IPPK: variants seen among roughly 807,000 people sequenced by gnomAD.
IPPK encodes the protein inositol-pentakisphosphate 2-kinase.
Under a neutral mutation model 64.6 loss-of-function variants are expected in IPPK, and 22 were observed. The observed-to-expected ratio is 0.34, with a 90% CI of 0.24 to 0.49. The LOEUF (loss-of-function observed/expected upper bound fraction) is 0.49. Ranked by LOEUF, IPPK falls within the 20% of genes least tolerant of loss-of-function variation. The pLI, the probability that IPPK is intolerant of heterozygous loss-of-function variation, is 0.99. For synonymous variants in IPPK, 262 were observed against 247.2 expected, an observed-to-expected ratio of 1.06 and a Z score of -0.56; for missense variants, 532 against 630.7, an observed-to-expected ratio of 0.84 and a Z score of 1.68.
rs192012541 is a variant in IPPK, at chr9:92,648,068, C to T, written c.495G>A (p.Gln165=). The T allele has an allele frequency of 1.2e-6, 2 of 1,612,262 alleles. No homozygotes were observed. Among genetic ancestry groups the T allele is most frequent in the South Asian group, 2.2e-5 (2 of 90,718 alleles). ...KHKVCRYCMH[Q]HLKVATGKWK... The stretch of plus-strand genomic sequence containing the variant: ...GGGCATTGGCTCTCACCTTGAGGTG[C>T]TGGTGCATGCAGTATCGACAGACCT... The change falls in exon 6 of 13, where the codon CAG becomes CAA. Residue 165 remains glutamine (Q), a synonymous_variant. Coordinates refer to ENST00000287996, the MANE Select transcript of IPPK (RefSeq NM_022755.6).
At chr9:92,621,817 G>A (rs1367332344) in intron 11 of IPPK, among the ~76,000 whole-genome samples, 2 of 152,112 alleles carry the variant, frequency 1.3e-5, no homozygotes, top group Non-Finnish European at 2.9e-5. Flanking sequence ...GAACCCAGCC[G>A]TTGTTAATCC....
chr9:92,658,818 G>C, intron 1 of IPPK, 137 bp from the exon 2 acceptor site: 1 of 756,908 alleles, frequency 1.3e-6, no homozygotes, highest in East Asian at 2.7e-5. Flanking sequence ...GAAGCCCCCA[G>C]GGCAGGGAGG....
Position 92,635,434 on chromosome 9 carries a change from G to A in IPPK, c.917-126C>T, listed in dbSNP as rs764885557. 5.1e-6 allele frequency: 5 copies of A among 974,832 alleles called. No individual in the cohort carries two copies. Among genetic ancestry groups the A allele is most frequent in the South Asian group, 1.7e-5 (1 of 58,524 alleles). The allele number at this position is 974,832 out of a possible 1,614,324, so 60.4% of individuals were successfully genotyped here. On this transcript the variant is annotated intron_variant, in intron 9 of 12. Transcript: ENST00000287996. This position sits in a 1 kb window ranked among gnomAD's most constrained non-coding sequence, Gnocchi z 4.4. ...CCATACGGGCATCACCACAGGCAAG[G>A]ACTGCACCCTGGACTGGCACTAAGG...
chr9:92,615,937 C>G lies in IPPK; in HGVS notation c.1371G>C (p.Lys457Asn). ...SIPHQYKLDGKIVNYYSKTVR... is the reference protein window; with the variant it reads ...SIPHQYKLDGNIVNYYSKTVR... ...CAGTCTTTGAATAATAGTTGACGAT[C>G]TTGCCGTCCAGTTTATACTGATGGG... The change falls in exon 13 of 13, where the codon AAG becomes AAC. Residue 457 changes from lysine (K) to asparagine (N), a missense_variant. Coordinates refer to ENST00000287996, the MANE Select transcript of IPPK (RefSeq NM_022755.6). 6.2e-7 allele frequency: 1 copy of G among 1,614,150 alleles called. No individual in the cohort carries two copies. Among genetic ancestry groups the G allele is most frequent in the Non-Finnish European group, 8.5e-7 (1 of 1,179,998 alleles).
At chr9:92,622,066 T>A (rs1851648534) in intron 11 of IPPK, among the ~76,000 whole-genome samples, 1 of 152,170 alleles carries the variant, frequency 6.6e-6, no homozygotes, top group Non-Finnish European at 1.5e-5. Context: ...ACAGAAAATA[T>A]TTTGGTCATA....
chr9:92,618,559 G>C (rs779134458), intron 12 of IPPK: 5 of 456,490 alleles, frequency 1.1e-5, no homozygotes, highest in African/African-American at 6.0e-5. Flanking sequence ...TATCTTCGTG[G>C]GTTTTCTCTC....
chr9:92,661,881 G>A (rs544408513), intron 1 of IPPK, among the ~76,000 whole-genome samples: 34 of 152,344 alleles, frequency 2.2e-4, no homozygotes, highest in Non-Finnish European at 4.0e-4. Context: ...TCCCCAAGAT[G>A]TGCCAGGCTG....
rs1029187062 is a variant in IPPK at position 92,613,286 on chromosome 9, A to T, written c.*2546T>A. The T allele has an allele frequency of 1.1e-6, 1 of 919,334 alleles. No individual in the cohort carries two copies. Among genetic ancestry groups the T allele is most frequent in the Non-Finnish European group, 1.7e-6 (1 of 603,360 alleles). The allele number at this position is 919,334 out of a possible 1,614,324, so 56.9% of individuals were successfully genotyped here. ...TGTCTATGCAGTTATGGCACATTAT[A>T]TGGAAACTCTCATGACATGAAAAAT... On this transcript the variant is annotated 3_prime_UTR_variant, in exon 13 of 13. Coordinates refer to ENST00000287996, the MANE Select transcript of IPPK (RefSeq NM_022755.6).
At chr9:92,622,349 A>G (rs1851655451) in intron 11 of IPPK, among the ~76,000 whole-genome samples, 1 of 152,194 alleles carries the variant, frequency 6.6e-6, no homozygotes, top group African/African-American at 2.4e-5. Flanking sequence ...TTGGGAAGGA[A>G]AGGGAAAACA....
intron 11 of IPPK, among the ~76,000 whole-genome samples, chr9:92,621,093 G>T (rs1277853360): frequency 1.3e-5 from 2 of 152,028 alleles, no homozygotes; most frequent in Admixed American, 6.6e-5. Context: ...GCGCTCTGGG[G>T]TTTCTTGTAT....
intron 4 of IPPK, among the ~76,000 whole-genome samples, chr9:92,651,299 C>T (rs746340659): frequency 4.6e-5 from 7 of 152,186 alleles, no homozygotes; most frequent in Non-Finnish European, 1.0e-4. Flanking sequence ...ACCCTCAACT[C>T]ACGAAATTTA....
intron 4 of IPPK, among the ~76,000 whole-genome samples, chr9:92,650,443 G>A (rs1029733238): frequency 1.3e-5 from 2 of 152,108 alleles, no homozygotes; most frequent in South Asian, 2.1e-4. Context: ...CAGCCACACC[G>A]ATGGTCAGCC....
rs1414586261 is a variant in IPPK, at chr9:92,615,153, C to CA, written c.*678dup. 3.4e-4 allele frequency: 49 copies of CA among 143,084 alleles called. No individual in the cohort carries two copies. The highest frequency in any genetic ancestry group is 3.8e-4 in the African/African-American group (15 of 39,108). 8.9% of individuals were successfully genotyped at this position (143,084 alleles called of 1,614,324 possible). A position where few individuals can be genotyped will look rare whatever the true frequency, so the allele number is the denominator to read the frequency against. On this transcript the variant is annotated 3_prime_UTR_variant, in exon 13 of 13. Coordinates refer to ENST00000287996, the MANE Select transcript of IPPK (RefSeq NM_022755.6). Reference sequence around the variant, plus strand: ...TCATGTGAAAGATTAAATTGTAAAGCAAAAAAAAAAAGGTCAATGCTCGCA... The same window carrying CA: ...TCATGTGAAAGATTAAATTGTAAAGCAAAAAAAAAAAAGGTCAATGCTCGCA...
At chr9:92,631,953 T>C (rs1198089804) in intron 11 of IPPK, among the ~76,000 whole-genome samples, 1 of 152,188 alleles carries the variant, frequency 6.6e-6, no homozygotes, top group Non-Finnish European at 1.5e-5. Context: ...CATTCAAGGA[T>C]GTTATACACA....
intron 6 of IPPK, among the ~76,000 whole-genome samples, chr9:92,646,220 C>T (rs1008564819): frequency 1.3e-5 from 2 of 152,164 alleles, no homozygotes; most frequent in Non-Finnish European, 2.9e-5. Context: ...CTCAGAGCAA[C>T]GAGGCAGAAA....
intron 8 of IPPK, 137 bp from the exon 9 acceptor site, chr9:92,638,417 T>G: frequency 1.1e-6 from 1 of 948,844 alleles, no homozygotes; most frequent in Non-Finnish European, 1.6e-6. Flanking sequence ...CTGGGGCCGC[T>G]GCATACTCCG....
Position 92,635,022 on chromosome 9 carries a change from G to A in IPPK, c.1067+136C>T. 1 of 764,056 alleles carries A rather than the reference G, an allele frequency of 1.3e-6. No individual in the cohort carries two copies. The highest frequency in any genetic ancestry group is 2.1e-6 in the Non-Finnish European group (1 of 481,272). 47.3% of individuals were successfully genotyped at this position (764,056 alleles called of 1,614,324 possible). On this transcript the variant is annotated intron_variant, in intron 10 of 12. Coordinates refer to ENST00000287996, the MANE Select transcript of IPPK (RefSeq NM_022755.6). The surrounding 1 kb of genome is among the most constrained non-coding windows in gnomAD (Gnocchi z 4.4). ...CCAGAGCAGGCCTGGGCACCTGGGA[G>A]CGGAGGACTGGGGTAGGAAGTGGCC...
intron 8 of IPPK, among the ~76,000 whole-genome samples, chr9:92,640,381 C>A (rs1852023160): frequency 6.6e-6 from 1 of 150,438 alleles, no homozygotes. Flanking sequence ...GAGCCATCCT[C>A]ACCCACAGTT....
intron 6 of IPPK, among the ~76,000 whole-genome samples, chr9:92,647,038 T>C (rs1460818791): frequency 6.6e-6 from 1 of 152,186 alleles, no homozygotes; most frequent in Non-Finnish European, 1.5e-5. Context: ...CCAAAAGTTG[T>C]TTCTTTGAAA....
Sources: gnomAD v4.1 joint callset for allele counts (sites outside exome capture counted in the v4.1 genomes callset) on GRCh38, gnomAD v4.1.1 for gene constraint, Gnocchi (gnomAD v3.1) non-coding constraint, MANE v1.5 for transcripts, NCBI Gene and HGNC (gene_info 2026-07-23, HGNC 2026-07-21) for gene names.